The following PPP2R3C variants were observed in gnomAD, a reference collection of about 807,000 sequenced individuals.
PPP2R3C encodes serine/threonine-protein phosphatase 2A regulatory subunit B'' subunit gamma.
PPP2R3C carries 47 observed loss-of-function variants against 63.7 expected under a neutral mutation model. The ratio of observed to expected loss-of-function variants is 0.74; its 90% CI spans 0.58 to 0.94. PPP2R3C has a LOEUF of 0.94. Ranked by LOEUF, PPP2R3C falls within the 40% of genes least tolerant of loss-of-function variation. The pLI is 0.00. For synonymous variants in PPP2R3C, 180 were observed against 177.4 expected, an observed-to-expected ratio of 1.01 and a Z score of -0.12; for missense variants, 421 against 518.4, an observed-to-expected ratio of 0.81 and a Z score of 1.82.
At chr14:35,104,470 G>A (rs2046287578) in intron 6 of PPP2R3C, among the ~76,000 whole-genome samples, 1 of 151,980 alleles carries the variant, frequency 6.6e-6, no homozygotes, top group Non-Finnish European at 1.5e-5. Flanking sequence ...TTATATTCAT[G>A]CCCAACTCCC....
intron 6 of PPP2R3C, among the ~76,000 whole-genome samples, chr14:35,104,835 G>A (rs969624209): frequency 6.6e-6 from 1 of 151,862 alleles, no homozygotes; most frequent in Non-Finnish European, 1.5e-5. Context: ...GGGTTCAAGC[G>A]ATTCTCCTGC....
chr14:35,092,718 C>T (rs186852383), intron 10 of PPP2R3C, among the ~76,000 whole-genome samples: 17 of 152,294 alleles, frequency 1.1e-4, no homozygotes, highest in Admixed American at 2.6e-4. Context: ...CCACCCACCT[C>T]GGCCTCCCAA....
intron 4 of PPP2R3C, among the ~76,000 whole-genome samples, chr14:35,108,701 C>T (rs928600901): frequency 7.9e-5 from 12 of 151,764 alleles, no homozygotes; most frequent in African/African-American, 2.9e-4. Flanking sequence ...ACCCAGGAGG[C>T]GGAGGTTATA....
At chr14:35,122,009 C>T (rs368328232), upstream of PPP2R3C, 72 of 1,603,262 alleles carry the variant, frequency 4.5e-5, no homozygotes, top group Non-Finnish European at 6.0e-5. Context: ...CTACCTGCTC[C>T]ACCCCTACCA....
At chr14:35,108,623 A>AAAATGCTT (rs973243899) in intron 4 of PPP2R3C, among the ~76,000 whole-genome samples, 3 of 152,122 alleles carry the variant, frequency 2.0e-5, no homozygotes, top group African/African-American at 7.2e-5. Context: ...TGAGGCATTT[A>AAAATGCTT]AAATGCTTAA....
intron 6 of PPP2R3C, among the ~76,000 whole-genome samples, chr14:35,105,907 A>C (rs1027997232): frequency 6.6e-6 from 1 of 151,316 alleles, no homozygotes; most frequent in Non-Finnish European, 1.5e-5. Context: ...CAGTGGCGTG[A>C]TCTCGGCTCA....
Position 35,108,197 on chromosome 14 carries a change from A to G in PPP2R3C, c.444T>C (p.His148=). 6.3e-7 allele frequency: 1 copy of G among 1,593,728 alleles called. No individual in the cohort carries two copies. Among genetic ancestry groups the G allele is most frequent in the Non-Finnish European group, 8.5e-7 (1 of 1,174,850 alleles). The change falls in exon 5 of 13, where the codon CAT becomes CAC. Residue 148 remains histidine, a synonymous_variant. Transcript: ENST00000261475. The part of the protein sequence containing the change: ...FTAKVFAKLL[H]TDSYGRISIM... Reference sequence around the variant, plus strand: ...TGGAAATTCTTCCATATGAATCTGTATGAAGGAGTTTAGCAAAGACTTTTG... The same window carrying G: ...TGGAAATTCTTCCATATGAATCTGTGTGAAGGAGTTTAGCAAAGACTTTTG...
Position 35,109,926 on chromosome 14 carries a change from T to G in PPP2R3C, c.297A>C (p.Leu99Phe). Residue 99 changes from leucine (L) to phenylalanine (F), a missense_variant, in exon 4 of 13, where the codon TTA becomes TTC. This residue lies in a region of PPP2R3C where 143 missense variants were observed against 151.2 expected (regional missense o/e 0.95). Transcript: ENST00000261475. ...ELLDNEELQN[L>F]WFLLDKHQTP... Reference sequence around the variant, plus strand: ...TCTGGTGTTTGTCCAGCAAAAACCATAAGTTCTTAAGAGAATTGTGGAAGT... The same window carrying G: ...TCTGGTGTTTGTCCAGCAAAAACCAGAAGTTCTTAAGAGAATTGTGGAAGT... 6.3e-7 allele frequency: 1 copy of G among 1,582,150 alleles called. No homozygotes were observed.
intron 10 of PPP2R3C, among the ~76,000 whole-genome samples, chr14:35,094,433 C>T (rs760154021): frequency 3.3e-5 from 5 of 150,970 alleles, no homozygotes; most frequent in Admixed American, 6.6e-5. Flanking sequence ...CCTCCCAAAG[C>T]GCTGGGATTA....
chr14:35,096,888 T>C (rs1167899167), intron 7 of PPP2R3C, 124 bp from the exon 8 acceptor site: 1 of 946,988 alleles, frequency 1.1e-6, no homozygotes, highest in Non-Finnish European at 1.5e-6. Context: ...CTAGCTCTTA[T>C]GCTCCAAAGT....
At position 35,116,689 on chromosome 14, in the gene PPP2R3C, G is replaced by A; in HGVS notation, c.107C>T (p.Thr36Ile). Residue 36 changes from threonine to isoleucine, a missense_variant, in exon 2 of 13, where the codon ACA becomes ATA. Physicochemically the swap from Thr to Ile is moderately conservative, Grantham distance 89 (BLOSUM62 -1). This residue lies in a region of PPP2R3C where 143 missense variants were observed against 151.2 expected (regional missense o/e 0.95). Transcript: ENST00000261475. The stretch of plus-strand genomic sequence containing the variant: ...TCCTTTCCATTCGGAGTAATATTTT[G>A]TAAATAAATCCATTTCTTCATCTTT... ...ELKDEEMDLF[T>I]KYYSEWKGGR... 2 of 1,594,276 alleles carry A rather than the reference G, an allele frequency of 1.3e-6. No individual in the cohort carries two copies. Among genetic ancestry groups the A allele is most frequent in the South Asian group, 2.3e-5 (2 of 88,746 alleles).
At chr14:35,110,021 G>A in intron 3 of PPP2R3C, 90 bp from the exon 4 acceptor site, 9 of 930,598 alleles carry the variant, frequency 9.7e-6, no homozygotes, top group Non-Finnish European at 1.5e-5. Context: ...ACTAAAATGA[G>A]AGTTTGTTGG....
At position 35,096,781 on chromosome 14, in the gene PPP2R3C, A is replaced by C; in HGVS notation, c.707-17T>G. 6.4e-7 allele frequency: 1 copy of C among 1,551,654 alleles called. No homozygotes were observed. On this transcript the variant is annotated splice_polypyrimidine_tract_variant and intron_variant, in intron 7 of 12. Coordinates refer to ENST00000261475, the MANE Select transcript of PPP2R3C (RefSeq NM_017917.4). ...TTATCTTTCCTTTAAGAACATAAAGAAACACAATTAATTTCATTTTAAGAA... is the reference window on the plus strand; with the variant it reads ...TTATCTTTCCTTTAAGAACATAAAGCAACACAATTAATTTCATTTTAAGAA...
chr14:35,089,866 C>T (rs1470408699), intron 11 of PPP2R3C, among the ~76,000 whole-genome samples: 2 of 151,850 alleles, frequency 1.3e-5, no homozygotes, highest in Non-Finnish European at 2.9e-5. Context: ...TGGGTTTCAC[C>T]ATGTTAGTGA....
chr14:35,088,097 TC>T, intron 11 of PPP2R3C, 87 bp from the exon 12 acceptor site: 6 of 907,292 alleles, frequency 6.6e-6, no homozygotes, highest in Non-Finnish European at 9.0e-6. Flanking sequence ...TACTTATACT[TC>T]CTTTCCTATC....
At chr14:35,115,030 C>T (rs2046668460) in intron 2 of PPP2R3C, among the ~76,000 whole-genome samples, 1 of 151,648 alleles carries the variant, frequency 6.6e-6, no homozygotes, top group East Asian at 1.9e-4. Flanking sequence ...GGGGTGGTCT[C>T]ACTATGTTGC....
intron 1 of PPP2R3C, among the ~76,000 whole-genome samples, chr14:35,117,710 T>G (rs114200987): frequency 0.18 from 26,872 of 151,650 alleles, 2,511 homozygotes; most frequent in East Asian, 0.37. Flanking sequence ...TTTTTTTTTT[T>G]GGAGATGGAG....
At position 35,121,816 on chromosome 14, in the gene PPP2R3C, C is replaced by T; in HGVS notation, c.58+86G>A. ...TTCACAGAAGCGGAAAAGGCGGCTC[C>T]CCCTTGCTCCTCCTCCCCACCTCCC... is the stretch of plus-strand genomic sequence containing the variant. On this transcript the variant is annotated intron_variant, in intron 1 of 12. Transcript: ENST00000261475. The T allele has an allele frequency of 2.8e-6, 4 of 1,443,564 alleles. No individual in the cohort carries two copies. The South Asian group carries it at 4.7e-5, about 17-fold the overall frequency. 89.4% of individuals were successfully genotyped at this position (1,443,564 alleles called of 1,614,324 possible).
chr14:35,121,145 G>A (rs2046872632), intron 1 of PPP2R3C, among the ~76,000 whole-genome samples: 1 of 152,168 alleles, frequency 6.6e-6, no homozygotes, highest in South Asian at 2.1e-4. Context: ...TTGGGAGGCC[G>A]AGGTGGGCGA....
Sources: allele counts gnomAD v4.1 joint callset (sites outside exome capture counted in the v4.1 genomes callset), GRCh38; gene constraint gnomAD v4.1.1; regional missense constraint gnomAD v4.1.1; transcripts MANE v1.5; gene names NCBI Gene and HGNC (gene_info 2026-07-23, HGNC 2026-07-21).